The following EFEMP1 variants were observed in gnomAD, a reference collection of about 807,000 sequenced individuals.
EFEMP1 encodes the protein EGF-containing fibulin-like extracellular matrix protein 1.
A neutral mutation model predicts 65.7 loss-of-function variants in EFEMP1; 18 were observed. The ratio of observed to expected loss-of-function variants is 0.27; its 90% CI spans 0.19 to 0.41. EFEMP1 has a LOEUF of 0.41. EFEMP1 is among the 10% of genes least tolerant of loss of function. The probability of loss-of-function intolerance (pLI) is 1.00; values close to 1 mark genes in which losing one functional copy is unlikely to be tolerated. For synonymous variants in EFEMP1, 237 were observed against 219.7 expected, an observed-to-expected ratio of 1.08 and a Z score of -0.70; for missense variants, 469 against 624.8, an observed-to-expected ratio of 0.75 and a Z score of 2.66.
intron 5 of EFEMP1, among the ~76,000 whole-genome samples, chr2:55,893,458 G>A (rs932410412): frequency 6.6e-6 from 1 of 152,104 alleles, no homozygotes; most frequent in African/African-American, 2.4e-5. Context: ...AGGTTTTAGA[G>A]TCAAATAGGT....
intron 5 of EFEMP1, among the ~76,000 whole-genome samples, chr2:55,888,334 C>CTTTTTTTTTTTTT (rs71713705): frequency 2.6e-5 from 3 of 114,308 alleles, no homozygotes; most frequent in Non-Finnish European, 5.2e-5. Context: ...CCTTCTTAAA[C>CTTTTTTTTTTTTT]TTTTTTTTTT....
At position 55,866,264 on chromosome 2, in the gene EFEMP1, G is replaced by C. The variant is rs1668571955; in HGVS notation, c.*809C>G. On this transcript the variant is annotated 3_prime_UTR_variant, in exon 12 of 12. Coordinates refer to ENST00000355426, the MANE Select transcript of EFEMP1 (RefSeq NM_001039348.3). The stretch of plus-strand genomic sequence containing the variant: ...AAATACCTTTTATCCATTTTGTTCT[G>C]CATCTTGTGGAAGTCCTGAATTCAG... 1 of 152,142 alleles carries C rather than the reference G, an allele frequency of 6.6e-6. No homozygotes were observed. The highest frequency in any genetic ancestry group is 2.1e-4 in the South Asian group (1 of 4,822). The allele number at this position is 152,142 out of a possible 1,614,324, so 9.4% of individuals were successfully genotyped here.
chr2:55,906,606 A>G (rs946328035), intron 5 of EFEMP1, among the ~76,000 whole-genome samples: 1 of 150,864 alleles, frequency 6.6e-6, no homozygotes, highest in Admixed American at 6.6e-5. Context: ...CTGATATTCC[A>G]GGACATGAAC....
At position 55,923,011 on chromosome 2, in the gene EFEMP1, G is replaced by A; in HGVS notation, c.-48-72C>T. 1 of 976,056 alleles carries A rather than the reference G, an allele frequency of 1.0e-6. No homozygotes were observed. Among genetic ancestry groups the A allele is most frequent in the Non-Finnish European group, 1.2e-6 (1 of 814,636 alleles). The allele number at this position is 976,056 out of a possible 1,614,324, so 60.5% of individuals were successfully genotyped here. A position where few individuals can be genotyped will look rare whatever the true frequency, so the allele number is the denominator to read the frequency against. On this transcript the variant is annotated intron_variant, in intron 1 of 11. Coordinates refer to ENST00000355426, the MANE Select transcript of EFEMP1 (RefSeq NM_001039348.3). The surrounding 1 kb of genome is among the most constrained non-coding windows in gnomAD (Gnocchi z 5.3). ...AAACAAAATAACAAAACAAAACTCGGAGAGCAATCTTCCAGTTCTAGTAGA... is the reference window on the plus strand; with the variant it reads ...AAACAAAATAACAAAACAAAACTCGAAGAGCAATCTTCCAGTTCTAGTAGA...
chr2:55,908,006 C>G (rs1438996560), intron 5 of EFEMP1, among the ~76,000 whole-genome samples: 3 of 152,150 alleles, frequency 2.0e-5, no homozygotes, highest in African/African-American at 4.8e-5. Context: ...AGCTAGTTAA[C>G]AGTTCTCAAT....
chr2:55,893,393 C>T (rs1295613316), intron 5 of EFEMP1, among the ~76,000 whole-genome samples: 2 of 152,092 alleles, frequency 1.3e-5, no homozygotes, highest in African/African-American at 2.4e-5. Context: ...AACTCTTTCT[C>T]TTAAACAACT....
Position 55,903,616 on chromosome 2 carries a change from A to G in EFEMP1, c.517+14049T>C, listed in dbSNP as rs186485049. Reference sequence around the variant, plus strand: ...TTTGAGAAGCACTAATCTATAATGCATAACACACAGGAGATTCTAAAAAAC... The same window carrying G: ...TTTGAGAAGCACTAATCTATAATGCGTAACACACAGGAGATTCTAAAAAAC... On this transcript the variant is annotated intron_variant, in intron 5 of 11. Coordinates refer to ENST00000355426, the MANE Select transcript of EFEMP1 (RefSeq NM_001039348.3). Among the ~76,000 whole-genome samples the G allele has an allele frequency of 2.0e-5, 3 of 152,234 alleles. No homozygotes were observed. In the East Asian group the frequency reaches 5.8e-4, roughly 29 times the overall value.
rs569670545 is a variant in EFEMP1 at position 55,870,619 on chromosome 2, C to T, written c.1320+101G>A. 1.4e-6 allele frequency: 2 copies of T among 1,452,482 alleles called. No individual in the cohort carries two copies. Among genetic ancestry groups the T allele is most frequent in the Admixed American group, 1.7e-5 (1 of 58,660 alleles). 90.0% of individuals were successfully genotyped at this position (1,452,482 alleles called of 1,614,324 possible). A position where few individuals can be genotyped will look rare whatever the true frequency, so the allele number is the denominator to read the frequency against. On this transcript the variant is annotated intron_variant, in intron 11 of 11. Coordinates refer to ENST00000355426, the MANE Select transcript of EFEMP1 (RefSeq NM_001039348.3). This position sits in a 1 kb window ranked among gnomAD's most constrained non-coding sequence, Gnocchi z 5.8. ...ACACATAAGACACTTTAAATGTTTG[C>T]TTTCCTTCCACATGTGGATACCACA...
In EFEMP1 at chr2:55,922,637, C is replaced by T. The variant is rs1670945419; in HGVS notation, c.-7-190G>A. 3.2e-6 allele frequency: 2 copies of T among 616,438 alleles called. No homozygotes were observed. The highest frequency in any genetic ancestry group is 5.0e-5 in the Admixed American group (2 of 40,340). The allele number at this position is 616,438 out of a possible 1,614,324, so 38.2% of individuals were successfully genotyped here. A position where few individuals can be genotyped will look rare whatever the true frequency, so the allele number is the denominator to read the frequency against. Reference sequence around the variant, plus strand: ...TCTCGGTAGCCAACGAACGAGGCAGCAAAGACGTAAAAACTGCTGTAGAAT... The same window carrying T: ...TCTCGGTAGCCAACGAACGAGGCAGTAAAGACGTAAAAACTGCTGTAGAAT... On this transcript the variant is annotated intron_variant, in intron 2 of 11. Transcript: ENST00000355426. The surrounding 1 kb of genome is among the most constrained non-coding windows in gnomAD (Gnocchi z 5.5).
At position 55,867,809 on chromosome 2, in the gene EFEMP1, TA is replaced by T. The variant is rs1246317359; in HGVS notation, c.1321-576del. ...AATGCCTGATGAGAGTCACCAGGCA[TA>T]AATGAAAGTTTTGTAAAGTAATATG... On this transcript the variant is annotated intron_variant, in intron 11 of 11. Coordinates refer to ENST00000355426, the MANE Select transcript of EFEMP1 (RefSeq NM_001039348.3). The surrounding 1 kb of genome is among the most constrained non-coding windows in gnomAD (Gnocchi z 4.3). Among the ~76,000 whole-genome samples the T allele has an allele frequency of 6.6e-6, 1 of 152,168 alleles. No individual in the cohort carries two copies. The highest frequency in any genetic ancestry group is 2.4e-5 in the African/African-American group (1 of 41,444).
rs1202640228 is a variant in EFEMP1, at chr2:55,923,466, C to G, written c.-49+245G>C. Among the ~76,000 whole-genome samples the G allele has an allele frequency of 6.6e-6, 1 of 152,212 alleles. No individual in the cohort carries two copies. The highest frequency in any genetic ancestry group is 1.5e-5 in the Non-Finnish European group (1 of 68,040). Reference sequence around the variant, plus strand: ...ACCACGTTTATGGGCAAAGCCCTGCCGGCTGGTTGTCGGCGCGCACACACA... The same window carrying G: ...ACCACGTTTATGGGCAAAGCCCTGCGGGCTGGTTGTCGGCGCGCACACACA... On this transcript the variant is annotated intron_variant, in intron 1 of 11. Coordinates refer to ENST00000355426, the MANE Select transcript of EFEMP1 (RefSeq NM_001039348.3). This position sits in a 1 kb window ranked among gnomAD's most constrained non-coding sequence, Gnocchi z 5.3.
intron 5 of EFEMP1, among the ~76,000 whole-genome samples, chr2:55,895,311 T>C (rs191154436): frequency 3.9e-5 from 6 of 152,324 alleles, no homozygotes; most frequent in Admixed American, 3.9e-4. Flanking sequence ...AAATTGTCTT[T>C]TCCTTGGGCT....
At chr2:55,872,944 G>GAT (rs1369476986) in intron 9 of EFEMP1, among the ~76,000 whole-genome samples, 1 of 151,882 alleles carries the variant, frequency 6.6e-6, no homozygotes, top group Non-Finnish European at 1.5e-5. Flanking sequence ...CATTAATGTA[G>GAT]AGCCTAGCAT....
At chr2:55,905,830 A>G (rs1293270573) in intron 5 of EFEMP1, among the ~76,000 whole-genome samples, 4 of 152,200 alleles carry the variant, frequency 2.6e-5, no homozygotes, top group Admixed American at 2.6e-4. Context: ...ATTAGATAGT[A>G]TAAGCTCTTT....
chr2:55,881,822 TA>T (rs547975129), intron 5 of EFEMP1, 88 bp from the exon 6 acceptor site: 15,530 of 1,490,790 alleles, frequency 0.01, 93 homozygotes, highest in Non-Finnish European at 0.013. Context: ...GCTAAATTTT[TA>T]CTTTATTCTT....
At chr2:55,882,088 T>G (rs1325332867) in intron 5 of EFEMP1, among the ~76,000 whole-genome samples, 1 of 152,192 alleles carries the variant, frequency 6.6e-6, no homozygotes, top group African/African-American at 2.4e-5. Flanking sequence ...GAGATGTTTT[T>G]GTACTTTTGT....
At chr2:55,905,718 G>T (rs1292869994) in intron 5 of EFEMP1, among the ~76,000 whole-genome samples, 1 of 152,032 alleles carries the variant, frequency 6.6e-6, no homozygotes, top group East Asian at 1.9e-4. Flanking sequence ...CAAAGTGCTG[G>T]GATTACAGGT....
chr2:55,900,014 C>G (rs1358812328), intron 5 of EFEMP1, among the ~76,000 whole-genome samples: 1 of 151,866 alleles, frequency 6.6e-6, no homozygotes, highest in Non-Finnish European at 1.5e-5. Flanking sequence ...CAAATTTGTT[C>G]CAGATGGATT....
At position 55,870,627 on chromosome 2, in the gene EFEMP1, C is replaced by T. The variant is rs1668767926; in HGVS notation, c.1320+93G>A. On this transcript the variant is annotated intron_variant, in intron 11 of 11. Coordinates refer to ENST00000355426, the MANE Select transcript of EFEMP1 (RefSeq NM_001039348.3). This position sits in a 1 kb window ranked among gnomAD's most constrained non-coding sequence, Gnocchi z 5.8. ...GACACTTTAAATGTTTGCTTTCCTTCCACATGTGGATACCACACAACAACA... is the reference window on the plus strand; with the variant it reads ...GACACTTTAAATGTTTGCTTTCCTTTCACATGTGGATACCACACAACAACA... The T allele has an allele frequency of 6.7e-7, 1 of 1,501,196 alleles. No homozygotes were observed. The highest frequency in any genetic ancestry group is 1.4e-5 in the African/African-American group (1 of 72,248). The allele number at this position is 1,501,196 out of a possible 1,614,324, so 93.0% of individuals were successfully genotyped here.
Sources: gnomAD v4.1 joint callset for allele counts (sites outside exome capture counted in the v4.1 genomes callset) on GRCh38, gnomAD v4.1.1 for gene constraint, Gnocchi (gnomAD v3.1) non-coding constraint, MANE v1.5 for transcripts, NCBI Gene and HGNC (gene_info 2026-07-23, HGNC 2026-07-21) for gene names.